The following MYO5B variants were observed in gnomAD, a reference collection of about 807,000 sequenced individuals.
The protein encoded by MYO5B is myosin VB.
MYO5B carries 143 observed loss-of-function variants against 229.3 expected under a neutral mutation model. The ratio of observed to expected loss-of-function variants is 0.62; its 90% CI spans 0.54 to 0.72. The LOEUF (loss-of-function observed/expected upper bound fraction) is 0.72. Ranked by LOEUF, MYO5B falls within the 30% of genes least tolerant of loss-of-function variation. The probability of loss-of-function intolerance (pLI) is 0.00; values close to 1 mark genes in which losing one functional copy is unlikely to be tolerated. For synonymous variants in MYO5B, 918 were observed against 885.2 expected (o/e 1.04, Z -0.66); for missense variants, 2,321 against 2,331.0 (o/e 1.00, Z 0.09).
intron 1 of MYO5B, among the ~76,000 whole-genome samples, chr18:50,183,327 A>ATATATATATATATATG (rs1568136367): frequency 3.1e-5 from 3 of 95,988 alleles, no homozygotes; most frequent in South Asian, 6.2e-4. Context: ...ATATATATAT[A>ATATATATATATATATG]TATATATATA....
At chr18:50,188,655 C>T (rs1363275929) in intron 1 of MYO5B, among the ~76,000 whole-genome samples, 2 of 152,002 alleles carry the variant, frequency 1.3e-5, no homozygotes, top group Non-Finnish European at 2.9e-5. Context: ...GGAGTGGTGG[C>T]ACACACCTGT....
intron 18 of MYO5B, among the ~76,000 whole-genome samples, chr18:49,909,366 T>C (rs1297065153): frequency 1.3e-5 from 2 of 152,234 alleles, no homozygotes; most frequent in Non-Finnish European, 2.9e-5. Context: ...GAGGGCAATG[T>C]AGTTTAGACA....
intron 5 of MYO5B, among the ~76,000 whole-genome samples, chr18:49,999,073 T>A (rs747938206): frequency 6.6e-6 from 1 of 152,254 alleles, no homozygotes; most frequent in Non-Finnish European, 1.5e-5. Context: ...AATGTGGTGA[T>A]CTGCCTTCAC....
At chr18:49,892,586 C>A (rs1239858538) in intron 22 of MYO5B, among the ~76,000 whole-genome samples, 1 of 152,194 alleles carries the variant, frequency 6.6e-6, no homozygotes. Context: ...CCTGCTCAAG[C>A]CTTGGAGGAA....
chr18:49,848,769 A>G (rs1200907739), intron 32 of MYO5B, among the ~76,000 whole-genome samples: 3 of 152,122 alleles, frequency 2.0e-5, no homozygotes, highest in Non-Finnish European at 4.4e-5. Context: ...GAGGAATAGC[A>G]AATCCAAAGT....
At chr18:49,938,147 A>G (rs1363617608) in intron 14 of MYO5B, among the ~76,000 whole-genome samples, 1 of 152,074 alleles carries the variant, frequency 6.6e-6, no homozygotes, top group African/African-American at 2.4e-5. Context: ...TTTAAGTTCT[A>G]TTTTTCTACA....
At chr18:50,122,184 A>G (rs1353774738) in intron 1 of MYO5B, among the ~76,000 whole-genome samples, 1 of 152,160 alleles carries the variant, frequency 6.6e-6, no homozygotes, top group Admixed American at 6.5e-5. Flanking sequence ...CATTTGCTCA[A>G]TGACAATTTT....
In MYO5B at chr18:49,839,131, G is replaced by A. The variant is rs2024025290; in HGVS notation, c.4852+13C>T. 6.2e-7 allele frequency: 1 copy of A among 1,612,454 alleles called. No homozygotes were observed. The highest frequency in any genetic ancestry group is 1.7e-5 in the Admixed American group (1 of 60,008). On this transcript the variant is annotated intron_variant, in intron 36 of 39. Coordinates refer to ENST00000285039, the MANE Select transcript of MYO5B (RefSeq NM_001080467.3). ...CCATGATGAGTGATGTAGCTCTCCT[G>A]CTGCCAGCTTACCTATCATCGGCTG...
At chr18:49,902,257 G>A (rs1338516285) in intron 21 of MYO5B, among the ~76,000 whole-genome samples, 1 of 149,320 alleles carries the variant, frequency 6.7e-6, no homozygotes, top group Non-Finnish European at 1.5e-5. Flanking sequence ...CTTCTTCTCT[G>A]AACTTGATCC....
intron 1 of MYO5B, among the ~76,000 whole-genome samples, chr18:50,173,543 G>GA (rs1242981661): frequency 6.6e-6 from 1 of 152,224 alleles, no homozygotes; most frequent in Non-Finnish European, 1.5e-5. Flanking sequence ...GAGTCAGTTG[G>GA]AAAACAGTTT....
intron 1 of MYO5B, among the ~76,000 whole-genome samples, chr18:50,082,498 A>G (rs1403507626): frequency 6.6e-6 from 1 of 152,260 alleles, no homozygotes; most frequent in Non-Finnish European, 1.5e-5. Context: ...ATTCAGGTCT[A>G]GAACCTAAGT....
rs1258206117 is a variant in MYO5B, at chr18:49,829,805, A to G, written c.5395-3182T>C. 1.1e-4 allele frequency among the ~76,000 whole-genome samples: 16 copies of G among 152,348 alleles called. No homozygotes were observed. In the East Asian group the frequency reaches 2.1e-3, roughly 20 times the overall value. Reference sequence around the variant, plus strand: ...GTTAGTTCAACATAAAAATCAATCAATGTAATATACCACATTAACAGAATG... The same window carrying G: ...GTTAGTTCAACATAAAAATCAATCAGTGTAATATACCACATTAACAGAATG... On this transcript the variant is annotated intron_variant, in intron 39 of 39. Transcript: ENST00000285039.
At position 49,845,929 on chromosome 18, in the gene MYO5B, G is replaced by T. The variant is rs7231755; in HGVS notation, c.4459+1217C>A. On this transcript the variant is annotated intron_variant, in intron 33 of 39. Transcript: ENST00000285039. Reference sequence around the variant, plus strand: ...TGGCCCTTGCTGAGCAGCCAAGAGGGACTCGGAGGGGTGGCGGGGGCTCCT... The same window carrying T: ...TGGCCCTTGCTGAGCAGCCAAGAGGTACTCGGAGGGGTGGCGGGGGCTCCT... 8.1e-3 allele frequency among the ~76,000 whole-genome samples: 1,241 copies of T among 152,332 alleles called. 10 individuals are homozygous for T. The highest frequency in any genetic ancestry group is 0.028 in the African/African-American group (1,148 of 41,568).
intron 1 of MYO5B, among the ~76,000 whole-genome samples, chr18:50,185,460 C>CA (rs769239490): frequency 6.6e-6 from 1 of 152,094 alleles, no homozygotes; most frequent in Non-Finnish European, 1.5e-5. Context: ...AATGAGGTTA[C>CA]AAGAACAATC....
At chr18:50,133,459 C>T (rs16951579) in intron 1 of MYO5B, among the ~76,000 whole-genome samples, 6,103 of 152,228 alleles carry the variant, frequency 0.04, 152 homozygotes, top group Non-Finnish European at 0.055. Flanking sequence ...ATGGTGCAGA[C>T]GTCAGAAACA....
intron 30 of MYO5B, among the ~76,000 whole-genome samples, chr18:49,854,729 C>A (rs765495028): frequency 2.0e-5 from 3 of 152,086 alleles, no homozygotes; most frequent in Non-Finnish European, 2.9e-5. Context: ...TGTTGGAGGC[C>A]GTGGCTGCCC....
chr18:49,944,379 C>A lies in MYO5B; in HGVS notation c.1753-6982G>T, dbSNP rs754643862. 8.6e-4 allele frequency among the ~76,000 whole-genome samples: 131 copies of A among 152,112 alleles called. 2 individuals carry two copies. The highest frequency in any genetic ancestry group is 7.8e-4 in the Non-Finnish European group (53 of 68,008). Reference sequence around the variant, plus strand: ...CAATGGCAGTTCTTTCTAAACAGATCCCTGGCTACAGCATAAGGAAGAGCC... The same window carrying A: ...CAATGGCAGTTCTTTCTAAACAGATACCTGGCTACAGCATAAGGAAGAGCC... On this transcript the variant is annotated intron_variant, in intron 14 of 39. Transcript: ENST00000285039.
At chr18:49,900,422 G>A (rs1045431202) in intron 21 of MYO5B, among the ~76,000 whole-genome samples, 1 of 152,154 alleles carries the variant, frequency 6.6e-6, no homozygotes, top group African/African-American at 2.4e-5. Context: ...CCCCAGTAAG[G>A]AGCCAAGCCA....
At chr18:50,036,805 C>A in intron 4 of MYO5B, 45 bp downstream of exon 4, 1 of 1,611,412 alleles carries the variant, frequency 6.2e-7, no homozygotes, top group Non-Finnish European at 8.5e-7. Flanking sequence ...CCCCTTCCTG[C>A]CCACTGACTA....
Sources: gnomAD v4.1 joint callset for allele counts (sites outside exome capture counted in the v4.1 genomes callset) on GRCh38, gnomAD v4.1.1 for gene constraint, MANE v1.5 for transcripts, NCBI Gene and HGNC (gene_info 2026-07-23, HGNC 2026-07-21) for gene names.